CDKAL1: variants seen among roughly 807,000 people sequenced by gnomAD.
The protein encoded by CDKAL1 is threonylcarbamoyladenosine tRNA methylthiotransferase.
CDKAL1 carries 32 observed loss-of-function variants against 68.2 expected under a neutral mutation model. The ratio of observed to expected loss-of-function variants is 0.47; its 90% CI spans 0.35 to 0.63. CDKAL1 has a LOEUF of 0.63. Ranked by LOEUF, CDKAL1 falls within the 30% of genes least tolerant of loss-of-function variation. CDKAL1 has a pLI of 0.00. For missense variants in CDKAL1, 606 were observed against 696.7 expected, an observed-to-expected ratio of 0.87 and a Z score of 1.47; for synonymous variants, 234 against 244.3, an observed-to-expected ratio of 0.96 and a Z score of 0.39.
At chr6:20,795,375 G>T (rs1451487539) in intron 8 of CDKAL1, among the ~76,000 whole-genome samples, 1 of 152,034 alleles carries the variant, frequency 6.6e-6, no homozygotes, top group African/African-American at 2.4e-5. Flanking sequence ...ATATGTGATT[G>T]AATGTCCTAA....
At chr6:20,912,100 G>C (rs1030341048) in intron 9 of CDKAL1, among the ~76,000 whole-genome samples, 4 of 152,232 alleles carry the variant, frequency 2.6e-5, no homozygotes, top group African/African-American at 9.6e-5. Context: ...ATTTTGTTTT[G>C]AATGAGAGTG....
At chr6:20,563,512 A>AT (rs1205633913) in intron 4 of CDKAL1, among the ~76,000 whole-genome samples, 2 of 151,202 alleles carry the variant, frequency 1.3e-5, no homozygotes, top group African/African-American at 2.4e-5. Context: ...ATTTTTGTTA[A>AT]TTTTTTTTTA....
chr6:20,543,346 T>C (rs941330877), intron 2 of CDKAL1, among the ~76,000 whole-genome samples: 4 of 152,276 alleles, frequency 2.6e-5, no homozygotes, highest in Non-Finnish European at 5.9e-5. Context: ...CACTGTTGTC[T>C]GTTTTATCCA....
intron 13 of CDKAL1, among the ~76,000 whole-genome samples, chr6:21,143,274 T>C (rs1027606644): frequency 6.6e-6 from 1 of 152,230 alleles, no homozygotes; most frequent in African/African-American, 2.4e-5. Flanking sequence ...ACACACACAG[T>C]AACAAATCTC....
chr6:21,184,929 A>G (rs2151090280), intron 13 of CDKAL1, among the ~76,000 whole-genome samples: 2 of 151,578 alleles, frequency 1.3e-5, no homozygotes, highest in South Asian at 4.2e-4. Flanking sequence ...AACCTCCCAA[A>G]GTGCTAGGAT....
At chr6:20,614,620 T>A (rs553643689) in intron 4 of CDKAL1, among the ~76,000 whole-genome samples, 1 of 152,188 alleles carries the variant, frequency 6.6e-6, no homozygotes, top group African/African-American at 2.4e-5. Context: ...ACCCCCCTAC[T>A]TATCACAGAT....
intron 4 of CDKAL1, among the ~76,000 whole-genome samples, chr6:20,593,019 C>A (rs1002425954): frequency 6.6e-6 from 1 of 152,080 alleles, no homozygotes; most frequent in East Asian, 1.9e-4. Context: ...GGGATGAAGC[C>A]GACTTGATCG....
chr6:20,769,696 A>T (rs763571705), intron 7 of CDKAL1, among the ~76,000 whole-genome samples: 2 of 152,184 alleles, frequency 1.3e-5, no homozygotes, highest in Non-Finnish European at 2.9e-5. Flanking sequence ...GAGAAACGTC[A>T]TTAGCGCTGT....
At chr6:20,577,552 A>G (rs1764964760) in intron 4 of CDKAL1, among the ~76,000 whole-genome samples, 1 of 152,208 alleles carries the variant, frequency 6.6e-6, no homozygotes, top group African/African-American at 2.4e-5. Context: ...TCAGTACCGT[A>G]CATAATAGCT....
chr6:20,680,831 T>A (rs1770343152), intron 5 of CDKAL1, among the ~76,000 whole-genome samples: 1 of 152,214 alleles, frequency 6.6e-6, no homozygotes, highest in South Asian at 2.1e-4. Context: ...GATGCTTCTG[T>A]TCAGCAAGGC....
chr6:20,745,028 C>T (rs1372043047), intron 6 of CDKAL1, among the ~76,000 whole-genome samples: 1 of 152,214 alleles, frequency 6.6e-6, no homozygotes, highest in Non-Finnish European at 1.5e-5. Flanking sequence ...AATGACAAGG[C>T]TTCCTCATGT....
intron 2 of CDKAL1, among the ~76,000 whole-genome samples, chr6:20,535,994 C>G (rs995918414): frequency 6.6e-6 from 1 of 152,074 alleles, no homozygotes; most frequent in Non-Finnish European, 1.5e-5. Context: ...TGCAGTGGCT[C>G]GATTACGGCT....
intron 7 of CDKAL1, among the ~76,000 whole-genome samples, chr6:20,759,165 T>A (rs1028830971): frequency 6.6e-5 from 10 of 152,182 alleles, no homozygotes; most frequent in African/African-American, 2.4e-4. Context: ...CAGGTCATAG[T>A]TTTCTTTTTT....
intron 11 of CDKAL1, among the ~76,000 whole-genome samples, chr6:21,064,183 G>A (rs1009158324): frequency 2.6e-5 from 4 of 152,234 alleles, no homozygotes; most frequent in South Asian, 2.1e-4. Context: ...CTAAGACCAC[G>A]CATGCAGAGA....
chr6:21,045,160 A>G (rs1770152263), intron 11 of CDKAL1, among the ~76,000 whole-genome samples: 1 of 152,214 alleles, frequency 6.6e-6, no homozygotes, highest in South Asian at 2.1e-4. Context: ...GCGAAATAGC[A>G]CAGAAAAAGG....
chr6:20,645,555 C>A (rs1768403400), intron 4 of CDKAL1, among the ~76,000 whole-genome samples: 1 of 151,704 alleles, frequency 6.6e-6, no homozygotes, highest in South Asian at 2.1e-4. Flanking sequence ...CATGATGAAA[C>A]CCCGTCTGTA....
At chr6:20,972,982 G>A (rs964789840) in intron 10 of CDKAL1, among the ~76,000 whole-genome samples, 3 of 151,960 alleles carry the variant, frequency 2.0e-5, no homozygotes, top group Non-Finnish European at 1.5e-5. Context: ...TTAGGCCGAG[G>A]CAGGAGAATT....
At chr6:21,028,881 C>T (rs1769103910) in intron 11 of CDKAL1, among the ~76,000 whole-genome samples, 1 of 152,140 alleles carries the variant, frequency 6.6e-6, no homozygotes, top group African/African-American at 2.4e-5. Context: ...ATCATATTCC[C>T]TTCTCCAAGC....
intron 4 of CDKAL1, among the ~76,000 whole-genome samples, chr6:20,618,194 T>C (rs1468504493): frequency 1.3e-5 from 2 of 152,266 alleles, no homozygotes; most frequent in African/African-American, 4.8e-5. Flanking sequence ...TTCATGTGTC[T>C]GTTGGCTGCA....
Sources: allele counts gnomAD v4.1 joint callset (sites outside exome capture counted in the v4.1 genomes callset), GRCh38; gene constraint gnomAD v4.1.1; transcripts MANE v1.5; gene names NCBI Gene and HGNC (gene_info 2026-07-23, HGNC 2026-07-21).